Variants in PKD1L3 observed in about 807,000 individuals in gnomAD.
PKD1L3 encodes the protein polycystin-1-like protein 3.
Under a neutral mutation model 184.1 loss-of-function variants are expected in PKD1L3, and 239 were observed. The ratio of observed to expected loss-of-function variants is 1.30; its 90% confidence interval spans 1.17 to 1.45. PKD1L3 has a LOEUF of 1.45. Ranked by LOEUF, PKD1L3 falls within the 40% of genes most tolerant of loss-of-function variation. The pLI is 0.00. For missense variants in PKD1L3, 2,660 were observed against 2,067.2 expected, an observed-to-expected ratio of 1.29 and a Z score of -5.56; for synonymous variants, 996 against 778.8, an observed-to-expected ratio of 1.28 and a Z score of -4.64.
chr16:71,997,997 G>T lies in PKD1L3; in HGVS notation c.418+275C>A, dbSNP rs117764199. 3.3e-5 allele frequency among the ~76,000 whole-genome samples: 5 copies of T among 152,182 alleles called. No individual in the cohort carries two copies. The East Asian group carries it at 7.7e-4, about 24-fold the overall frequency. On this transcript the variant is annotated intron_variant, in intron 2 of 29. Coordinates refer to ENST00000620267, the MANE Select transcript of PKD1L3 (RefSeq NM_181536.2). ...AATTATGAGTGTGCATGTGGAAAAT[G>T]GTGTCACCAATACAATTTCTCCCAC...
At position 71,948,145 on chromosome 16, in the gene PKD1L3, G is replaced by A. The variant is rs547257839; in HGVS notation, c.3619-554C>T. ...TGCCCAGGCTGGAGTACAACGGCAC[G>A]ATCTTGGCTCAGTGCAACCTCTGCC... On this transcript the variant is annotated intron_variant, in intron 21 of 29. Coordinates refer to ENST00000620267, the MANE Select transcript of PKD1L3 (RefSeq NM_181536.2). 3.3e-5 allele frequency among the ~76,000 whole-genome samples: 5 copies of A among 152,112 alleles called. No individual in the cohort carries two copies. The South Asian group carries it at 6.2e-4, about 19-fold the overall frequency.
chr16:71,962,500 A>AT (rs1452230594), intron 16 of PKD1L3, among the ~76,000 whole-genome samples: 1 of 151,892 alleles, frequency 6.6e-6, no homozygotes, highest in Non-Finnish European at 1.5e-5. Flanking sequence ...ACATCTTTGC[A>AT]TTTTTTGAGA....
chr16:71,962,590 A>T (rs1212202225), intron 16 of PKD1L3, among the ~76,000 whole-genome samples: 3 of 152,028 alleles, frequency 2.0e-5, no homozygotes, highest in Non-Finnish European at 4.4e-5. Flanking sequence ...AGGTTCAAGC[A>T]GTTCTCCTAC....
chr16:71,999,903 G>C lies in PKD1L3; in HGVS notation c.76C>G (p.Pro26Ala). The C allele has an allele frequency of 2.6e-6, 4 of 1,551,622 alleles. No homozygotes were observed. The highest frequency in any genetic ancestry group is 3.5e-6 in the Non-Finnish European group (4 of 1,146,920). Residue 26 changes from proline (P) to alanine (A), a missense_variant, in exon 1 of 30, where the codon CCA becomes GCA. By Grantham distance (27) the Pro-to-Ala change is conservative (BLOSUM62 -1). Coordinates refer to ENST00000620267, the MANE Select transcript of PKD1L3 (RefSeq NM_181536.2). ...SIILGSELNS[P>A]APHGQNNCYQ... Reference sequence around the variant, plus strand: ...CAATTATTTTGCCCATGTGGTGCTGGGCTGTTTAGCTCACTTCCTAGAATA... The same window carrying C: ...CAATTATTTTGCCCATGTGGTGCTGCGCTGTTTAGCTCACTTCCTAGAATA...
At chr16:71,988,397 G>A (rs2040457741) in intron 4 of PKD1L3, among the ~76,000 whole-genome samples, 1 of 152,180 alleles carries the variant, frequency 6.6e-6, no homozygotes. Flanking sequence ...GTTTCGCCAT[G>A]TTGGCCTGGC....
chr16:71,981,878 C>G (rs938884822), intron 7 of PKD1L3, among the ~76,000 whole-genome samples, 181 bp downstream of exon 7: 1 of 152,114 alleles, frequency 6.6e-6, no homozygotes, highest in South Asian at 2.1e-4. Flanking sequence ...ACTAGGGAGT[C>G]TTGGCTCACT....
intron 7 of PKD1L3, among the ~76,000 whole-genome samples, chr16:71,980,824 G>C (rs770671774): frequency 7.9e-5 from 12 of 152,138 alleles, no homozygotes; most frequent in Non-Finnish European, 1.5e-4. Flanking sequence ...AACAGAGCGA[G>C]ACTCTGTCTC....
In PKD1L3 at chr16:71,979,840, C is replaced by G. The variant is rs762482730; in HGVS notation, c.1344G>C (p.Pro448=). 6.6e-7 allele frequency: 1 copy of G among 1,518,630 alleles called. No individual in the cohort carries two copies. The highest frequency in any genetic ancestry group is 8.8e-7 in the Non-Finnish European group (1 of 1,138,980). The allele number at this position is 1,518,630 out of a possible 1,614,324, so 94.1% of individuals were successfully genotyped here. A position where few individuals can be genotyped will look rare whatever the true frequency, so the allele number is the denominator to read the frequency against. The change falls in exon 9 of 30, where the codon CCG becomes CCC. Residue 448 remains proline, a synonymous_variant. Coordinates refer to ENST00000620267, the MANE Select transcript of PKD1L3 (RefSeq NM_181536.2). Reference sequence around the variant, plus strand: ...AGAGCTCCTTCAAAGCTAAAGCCGACGGAAAGCCTAGCCTCACAGGGGCTG... The same window carrying G: ...AGAGCTCCTTCAAAGCTAAAGCCGAGGGAAAGCCTAGCCTCACAGGGGCTG... ...GHPAPVRLGF[P]SALALKELLN... is the part of the protein sequence containing the mutation.
chr16:71,967,445 A>G (rs2039545301), intron 14 of PKD1L3, 130 bp from the exon 15 acceptor site: 7 of 900,828 alleles, frequency 7.8e-6, no homozygotes, highest in South Asian at 1.8e-5. Flanking sequence ...ACAAGCATAG[A>G]TAATTCTTCA....
chr16:71,969,361 A>G (rs1458736583), intron 13 of PKD1L3, among the ~76,000 whole-genome samples: 3 of 59,076 alleles, frequency 5.1e-5, no homozygotes, highest in Non-Finnish European at 1.1e-4. Context: ...AGGCTGGAGT[A>G]AAATGGCACA....
chr16:71,934,893 A>C (rs1029874239), intron 26 of PKD1L3, among the ~76,000 whole-genome samples: 1 of 152,228 alleles, frequency 6.6e-6, no homozygotes, highest in African/African-American at 2.4e-5. Flanking sequence ...GTTCCTCTCC[A>C]TGGGAAAAAC....
chr16:71,945,075 G>A (rs1015453837), intron 22 of PKD1L3, among the ~76,000 whole-genome samples: 5 of 67,064 alleles, frequency 7.5e-5, no homozygotes, highest in African/African-American at 2.0e-4. Flanking sequence ...CTGCCAAATT[G>A]TTAAAGTTTT....
intron 11 of PKD1L3, among the ~76,000 whole-genome samples, chr16:71,975,222 A>ATTTT (rs11311844): frequency 1.4e-5 from 2 of 139,858 alleles, no homozygotes; most frequent in Non-Finnish European, 1.6e-5. Context: ...CGCTCGGCTA[A>ATTTT]TTTTTTTTTT....
rs2038219133 is a variant in PKD1L3, at chr16:71,937,434, G to C, written c.4325-15C>G. 1.9e-6 allele frequency: 3 copies of C among 1,549,108 alleles called. No individual in the cohort carries two copies. The highest frequency in any genetic ancestry group is 2.4e-5 in the East Asian group (1 of 40,904). ...GAAGAAAGCACCTGAGAATAACAAA[G>C]AACACCTGGAGTCAAGAGTCTAAAA... On this transcript the variant is annotated splice_polypyrimidine_tract_variant and intron_variant, in intron 24 of 29. Coordinates refer to ENST00000620267, the MANE Select transcript of PKD1L3 (RefSeq NM_181536.2).
chr16:71,949,272 T>C (rs2038736540), intron 21 of PKD1L3, among the ~76,000 whole-genome samples: 1 of 152,114 alleles, frequency 6.6e-6, no homozygotes, highest in South Asian at 2.1e-4. Flanking sequence ...TCAATCCTTT[T>C]CTGCCATACT....
chr16:71,929,654 G>C lies in PKD1L3; in HGVS notation c.5083C>G (p.Leu1695Val). 1.9e-6 allele frequency: 3 copies of C among 1,551,524 alleles called. No homozygotes were observed. The highest frequency in any genetic ancestry group is 1.4e-5 in the African/African-American group (1 of 73,136). ...LKKEAALIDT[L>V]LQKLSNLLGI... ...AACAAATTTGAGAGCTTCTGTAGCAGTGTATCTATTAGTGCAGCTTCTTTC... is the reference window on the plus strand; with the variant it reads ...AACAAATTTGAGAGCTTCTGTAGCACTGTATCTATTAGTGCAGCTTCTTTC... The change falls in exon 30 of 30, where the codon CTG becomes GTG. Residue 1695 changes from leucine (L) to valine (V), a missense_variant. By Grantham distance (32) the Leu-to-Val change is conservative. Transcript: ENST00000620267.
chr16:71,979,129 T>A (rs2040049253), intron 9 of PKD1L3, among the ~76,000 whole-genome samples: 1 of 152,182 alleles, frequency 6.6e-6, no homozygotes, highest in South Asian at 2.1e-4. Flanking sequence ...AATAATTATT[T>A]AGATAGTCTC....
rs1006587568 is a variant in PKD1L3, at chr16:71,973,418, T to G, written c.1859A>C (p.Gln620Pro). The change falls in exon 12 of 30, where the codon CAG becomes CCG. Residue 620 changes from glutamine (Q) to proline (P), a missense_variant. Transcript: ENST00000620267. ...GACCGAGACCAAGCTGGGTGTCTGC[T>G]GAGCACCCTCCTGCCTCTCACTCAG... ...AVLSERQEGA[Q>P]QTPSLVSVIT... 4 of 1,551,578 alleles carry G rather than the reference T, an allele frequency of 2.6e-6. No individual in the cohort carries two copies. The African/African-American group carries it at 5.5e-5, about 21-fold the overall frequency.
Position 71,993,264 on chromosome 16 carries a change from T to G in PKD1L3, c.487A>C (p.Lys163Gln). Residue 163 changes from lysine to glutamine, a missense_variant, in exon 3 of 30, where the codon AAG (lysine) becomes CAG (glutamine). Lys to Gln is a moderately conservative substitution (Grantham distance 53). Coordinates refer to ENST00000620267, the MANE Select transcript of PKD1L3 (RefSeq NM_181536.2). Reference protein sequence around the residue: ...GNNSHLYQRHKKTKRGVAIAR... With the variant: ...GNNSHLYQRHQKTKRGVAIAR... ...ATTGCAACTCCTCTTTTTGTCTTCT[T>G]GTGTCTCTGGTACAAATGGGAATTA... 2 of 1,550,982 alleles carry G rather than the reference T, an allele frequency of 1.3e-6. No homozygotes were observed. The highest frequency in any genetic ancestry group is 4.9e-5 in the East Asian group (2 of 40,874).
Sources: allele counts gnomAD v4.1 joint callset (sites outside exome capture counted in the v4.1 genomes callset), GRCh38; gene constraint gnomAD v4.1.1; transcripts MANE v1.5; gene names NCBI Gene and HGNC (gene_info 2026-07-23, HGNC 2026-07-21).